Variants in AFAP1L1 observed in about 807,000 individuals in gnomAD.
The protein encoded by AFAP1L1 is actin filament-associated protein 1-like 1.
In AFAP1L1, 77 loss-of-function variants were observed where a neutral mutation model predicts 99.8. The ratio of observed to expected loss-of-function variants is 0.77; its 90% CI spans 0.64 to 0.93. The LOEUF is 0.93. AFAP1L1 is among the 40% of genes least tolerant of loss of function. The pLI is 0.00. For missense variants in AFAP1L1, 893 were observed against 996.8 expected, an observed-to-expected ratio of 0.90 and a Z score of 1.40; for synonymous variants, 373 against 395.3, an observed-to-expected ratio of 0.94 and a Z score of 0.67.
Position 149,310,057 on chromosome 5 carries a change from G to A in AFAP1L1, c.849G>A (p.Glu283=). The change falls in exon 8 of 19, where the codon GAG becomes GAA. Residue 283 remains glutamate (E), a synonymous_variant. Coordinates refer to ENST00000296721, the MANE Select transcript of AFAP1L1 (RefSeq NM_152406.4). ...VPKDSRHKRH[E]LRFTQGATEV... ...AGGACAGCCGGCACAAGAGGCACGAGCTGCGTTTCACCCAGGGGGCTACCG... is the reference window on the plus strand; with the variant it reads ...AGGACAGCCGGCACAAGAGGCACGAACTGCGTTTCACCCAGGGGGCTACCG... 2 of 1,614,214 alleles carry A rather than the reference G, an allele frequency of 1.2e-6. No individual in the cohort carries two copies. The highest frequency in any genetic ancestry group is 1.1e-5 in the South Asian group (1 of 91,086).
chr5:149,286,941 G>A (rs1755700552), intron 1 of AFAP1L1, among the ~76,000 whole-genome samples: 1 of 152,202 alleles, frequency 6.6e-6, no homozygotes, highest in African/African-American at 2.4e-5. Flanking sequence ...CACTGTGGGA[G>A]GTGGAAAGTT....
At chr5:149,274,030 C>T (rs553793131) in intron 1 of AFAP1L1, among the ~76,000 whole-genome samples, 12 of 152,190 alleles carry the variant, frequency 7.9e-5, no homozygotes, top group African/African-American at 2.9e-4. Flanking sequence ...CCCAGGAATC[C>T]CTTGGTGCTG....
chr5:149,274,353 A>G (rs576527497), intron 1 of AFAP1L1, among the ~76,000 whole-genome samples: 1 of 152,328 alleles, frequency 6.6e-6, no homozygotes, highest in South Asian at 2.1e-4. Flanking sequence ...CTTTTTAAAA[A>G]TCAACATTGC....
intron 16 of AFAP1L1, 36 bp from the exon 17 acceptor site, chr5:149,332,659 G>T (rs924982689): frequency 6.3e-7 from 1 of 1,594,332 alleles, no homozygotes; most frequent in African/African-American, 1.3e-5. Context: ...TTTCAGGTCA[G>T]GTTCAGCTTT....
intron 5 of AFAP1L1, among the ~76,000 whole-genome samples, chr5:149,305,277 G>A (rs754611455): frequency 2.9e-4 from 44 of 152,212 alleles, no homozygotes; most frequent in Non-Finnish European, 4.6e-4. Flanking sequence ...CTCAGTAAAT[G>A]ATAGAGATAG....
intron 8 of AFAP1L1, 109 bp downstream of exon 8, chr5:149,310,244 C>A: frequency 7.3e-7 from 1 of 1,378,356 alleles, no homozygotes; most frequent in South Asian, 1.5e-5. Context: ...TGCTCAGTGC[C>A]TGAGCCCAAG....
chr5:149,279,435 C>T (rs1755445500), intron 1 of AFAP1L1, among the ~76,000 whole-genome samples: 1 of 152,210 alleles, frequency 6.6e-6, no homozygotes, highest in Admixed American at 6.5e-5. Flanking sequence ...GACCCTTTTG[C>T]ACACTGTAGA....
At chr5:149,295,708 C>T (rs1341723201) in intron 1 of AFAP1L1, among the ~76,000 whole-genome samples, 5 of 152,206 alleles carry the variant, frequency 3.3e-5, no homozygotes, top group African/African-American at 7.2e-5. Flanking sequence ...CTTAGTCGTT[C>T]ATTGGCGGGG....
At chr5:149,313,289 T>C (rs901440835) in intron 9 of AFAP1L1, among the ~76,000 whole-genome samples, 4 of 152,176 alleles carry the variant, frequency 2.6e-5, no homozygotes, top group Admixed American at 2.0e-4. Flanking sequence ...TTAAGGAGAT[T>C]ACAGTCAAGG....
In AFAP1L1 at chr5:149,332,416, G is replaced by A. The variant is rs1757282003; in HGVS notation, c.1976-279G>A. ...GTCTCAAAAAAAAAAGACAGAATGA[G>A]AGGGGGAAGGTGGTTTCCCAACGAA... is the stretch of plus-strand genomic sequence containing the variant. On this transcript the variant is annotated intron_variant, in intron 16 of 18. Coordinates refer to ENST00000296721, the MANE Select transcript of AFAP1L1 (RefSeq NM_152406.4). Among the ~76,000 whole-genome samples, 5 of 152,100 alleles carry A rather than the reference G, an allele frequency of 3.3e-5. No individual in the cohort carries two copies. The South Asian group carries it at 1.0e-3, about 32-fold the overall frequency.
intron 9 of AFAP1L1, among the ~76,000 whole-genome samples, chr5:149,314,064 G>A (rs887703022): frequency 2.6e-5 from 4 of 152,196 alleles, no homozygotes; most frequent in African/African-American, 9.6e-5. Flanking sequence ...GGGCACCTAT[G>A]TTGAGCCTTA....
In AFAP1L1 at chr5:149,296,596, A is replaced by G. The variant is rs532472757; in HGVS notation, c.17-2913A>G. Among the ~76,000 whole-genome samples, 22 of 152,336 alleles carry G rather than the reference A, an allele frequency of 1.4e-4. No homozygotes were observed. The South Asian group carries it at 4.3e-3, about 30-fold the overall frequency. ...ATACGCATGTTTGTGTGTATGAGAC[A>G]GAGAGAGAATGCGCGTTGGGACAGT... On this transcript the variant is annotated intron_variant, in intron 1 of 18. Coordinates refer to ENST00000296721, the MANE Select transcript of AFAP1L1 (RefSeq NM_152406.4).
intron 1 of AFAP1L1, among the ~76,000 whole-genome samples, chr5:149,297,794 T>C (rs989681481): frequency 1.3e-5 from 2 of 152,146 alleles, no homozygotes; most frequent in Admixed American, 1.3e-4. Context: ...AGAGTCACAG[T>C]CCAGTCCACG....
At chr5:149,329,864 G>C (rs1757206949) in intron 16 of AFAP1L1, 34 bp downstream of exon 16, 1 of 1,553,958 alleles carries the variant, frequency 6.4e-7, no homozygotes, top group East Asian at 2.3e-5. Context: ...AGCACCTATG[G>C]GTGGCCAGCT....
chr5:149,286,399 C>T (rs148735133), intron 1 of AFAP1L1, among the ~76,000 whole-genome samples: 4 of 152,238 alleles, frequency 2.6e-5, no homozygotes, highest in African/African-American at 9.6e-5. Context: ...GGTAGGGTCT[C>T]AGATATTGCA....
intron 15 of AFAP1L1, among the ~76,000 whole-genome samples, chr5:149,323,016 T>C (rs1159068178): frequency 6.6e-6 from 1 of 152,026 alleles, no homozygotes; most frequent in Non-Finnish European, 1.5e-5. Context: ...CAGCAGATGA[T>C]CCCTATGCAG....
In AFAP1L1 at chr5:149,340,249, C is replaced by T; in HGVS notation, c.*219C>T. 1 of 545,980 alleles carries T rather than the reference C, an allele frequency of 1.8e-6. No homozygotes were observed. Among genetic ancestry groups the T allele is most frequent in the Middle Eastern group, 4.3e-4 (1 of 2,352 alleles). 33.8% of individuals were successfully genotyped at this position (545,980 alleles called of 1,614,324 possible). A position where few individuals can be genotyped will look rare whatever the true frequency, so the allele number is the denominator to read the frequency against. On this transcript the variant is annotated 3_prime_UTR_variant, in exon 19 of 19. Transcript: ENST00000296721. ...AATGGAGAGCATCCTTATGACTTTA[C>T]AAAGGGTGGAAATGAGGATGGAGGG... is the stretch of plus-strand genomic sequence containing the variant.
intron 1 of AFAP1L1, 61 bp downstream of exon 1, chr5:149,272,045 G>A: frequency 8.2e-7 from 1 of 1,219,644 alleles, no homozygotes; most frequent in Non-Finnish European, 1.0e-6. Context: ...GAGACTGGAC[G>A]ATCTGAAGCC....
intron 2 of AFAP1L1, 53 bp from the exon 3 acceptor site, chr5:149,300,218 G>T (rs1476853806): frequency 1.2e-4 from 171 of 1,383,416 alleles, no homozygotes; most frequent in Non-Finnish European, 1.0e-5. Context: ...TGGGACGGGG[G>T]AGACCTGGTC....
Sources: allele counts gnomAD v4.1 joint callset (sites outside exome capture counted in the v4.1 genomes callset), GRCh38; gene constraint gnomAD v4.1.1; transcripts MANE v1.5; gene names NCBI Gene and HGNC (gene_info 2026-07-23, HGNC 2026-07-21).